BRCA1: variants seen among roughly 807,000 people sequenced by gnomAD.
The protein encoded by BRCA1 is breast cancer type 1 susceptibility protein.
In BRCA1, 140 loss-of-function variants were observed where a neutral mutation model predicts 173.7. That is an observed-to-expected ratio of 0.81 (90% CI 0.70 to 0.93). The LOEUF (loss-of-function observed/expected upper bound fraction) is 0.93. Among genes scored for constraint, BRCA1 ranks in the 40% least tolerant of loss-of-function variants. BRCA1 has a pLI of 0.00. For synonymous variants in BRCA1, 662 were observed against 756.0 expected, an observed-to-expected ratio of 0.88 and a Z score of 2.04; for missense variants, 1,983 against 2,172.5, an observed-to-expected ratio of 0.91 and a Z score of 1.73.
At chr17:43,115,101 G>A (rs2055201309) in intron 3 of BRCA1, among the ~76,000 whole-genome samples, 2 of 152,178 alleles carry the variant, frequency 1.3e-5, no homozygotes, top group African/African-American at 2.4e-5. Flanking sequence ...AGGAGAAACT[G>A]GGAAGGCTCA....
intron 1 of BRCA1, among the ~76,000 whole-genome samples, chr17:43,153,206 C>T (rs1234874556): frequency 6.6e-6 from 1 of 152,172 alleles, no homozygotes; most frequent in Non-Finnish European, 1.5e-5. Flanking sequence ...TGAGGTTTAA[C>T]ATGTTCCTCT....
Position 43,092,455 on chromosome 17 carries a change from T to C in BRCA1, c.3076A>G (p.Ile1026Val), listed in dbSNP as rs1468925322. Residue 1026 changes from isoleucine (I) to valine (V), a missense_variant, in exon 10 of 23, where the codon ATT (isoleucine) becomes GTT (valine). Coordinates refer to ENST00000357654, the MANE Select transcript of BRCA1 (RefSeq NM_007294.4). ...TTTTCTCTAATGTTATTACGGCTAA[T>C]TGTGCTCACTGTACTTGGAATGTTC... is the stretch of plus-strand genomic sequence containing the variant. ...NENIPSTVST[I>V]SRNNIRENVF... The C allele has an allele frequency of 6.2e-7, 1 of 1,614,026 alleles. No homozygotes were observed. The highest frequency in any genetic ancestry group is 8.5e-7 in the Non-Finnish European group (1 of 1,179,998).
chr17:43,073,680 G>T (rs554747061), intron 14 of BRCA1, among the ~76,000 whole-genome samples: 40 of 151,934 alleles, frequency 2.6e-4, no homozygotes, highest in African/African-American at 8.9e-4. Context: ...TCTAATAAAG[G>T]ACTGGCCTAA....
chr17:43,146,858 A>G (rs1464563989), intron 1 of BRCA1, among the ~76,000 whole-genome samples: 1 of 152,148 alleles, frequency 6.6e-6, no homozygotes, highest in Admixed American at 6.5e-5. Flanking sequence ...AAGAATAACA[A>G]TGCCAAGGTT....
At chr17:43,127,091 C>G (rs551476469), upstream of BRCA1, among the ~76,000 whole-genome samples, 1 of 152,202 alleles carries the variant, frequency 6.6e-6, no homozygotes, top group Non-Finnish European at 1.5e-5. Context: ...CCGCCATGCC[C>G]GAGCCCCCTC....
At chr17:43,168,131 A>T (rs1040513199) in intron 1 of BRCA1, 1 of 334,648 alleles carries the variant, frequency 3.0e-6, no homozygotes, top group Non-Finnish European at 6.0e-6. Flanking sequence ...AGATAATCAT[A>T]TAGGAATCCC....
chr17:43,157,994 T>TC (rs1273560893), intron 1 of BRCA1, among the ~76,000 whole-genome samples: 12 of 113,292 alleles, frequency 1.1e-4, no homozygotes, highest in Admixed American at 2.8e-4. Flanking sequence ...AAACTCTGTC[T>TC]CAAAAAAAAA....
chr17:43,097,027 A>T (rs1281192540), intron 8 of BRCA1, among the ~76,000 whole-genome samples: 2 of 152,210 alleles, frequency 1.3e-5, no homozygotes, highest in Non-Finnish European at 2.9e-5. Flanking sequence ...GAAAGAAAGC[A>T]AACAAAAAAC....
chr17:43,091,764 G>T lies in BRCA1; in HGVS notation c.3767C>A (p.Thr1256Lys). ...TVATECLSKN[T>K]EENLLSLKNS... ...CTTCAATGATAATAAATTCTCCTCT[G>T]TGTTCTTAGACAGACACTCGGTAGC... is the stretch of plus-strand genomic sequence containing the variant. The change falls in exon 10 of 23, where the codon ACA (threonine) becomes AAA (lysine). Residue 1256 changes from threonine (T) to lysine (K), a missense_variant. Transcript: ENST00000357654. The T allele has an allele frequency of 6.2e-7, 1 of 1,614,158 alleles. No homozygotes were observed. Among genetic ancestry groups the T allele is most frequent in the Non-Finnish European group, 8.5e-7 (1 of 1,180,014 alleles).
chr17:43,078,426 C>T (rs894107996), intron 12 of BRCA1, among the ~76,000 whole-genome samples: 1 of 152,210 alleles, frequency 6.6e-6, no homozygotes, highest in East Asian at 1.9e-4. Context: ...CCTGCCTTGG[C>T]ATCTCACAGT....
At chr17:43,112,094 C>CT (rs879578679) in intron 3 of BRCA1, among the ~76,000 whole-genome samples, 1,952 of 144,186 alleles carry the variant, frequency 0.014, 18 homozygotes, top group Non-Finnish European at 0.021. Context: ...TTATACTGGA[C>CT]TTTTTTTTTT....
At chr17:43,125,641 C>T (rs992949336), upstream of BRCA1, 5 of 241,330 alleles carry the variant, frequency 2.1e-5, no homozygotes, top group Admixed American at 2.1e-4. Flanking sequence ...CTCTACTCTT[C>T]CAGTTGCGGC....
intron 1 of BRCA1, chr17:43,169,768 G>A (rs575221655): frequency 4.9e-6 from 1 of 202,816 alleles, no homozygotes; most frequent in African/African-American, 2.4e-5. Context: ...TTAACCCAGA[G>A]CAGAGGGTGC....
chr17:43,140,200 T>C, intron 1 of BRCA1: 1 of 283,066 alleles, frequency 3.5e-6, no homozygotes, highest in South Asian at 3.3e-5. Flanking sequence ...AACACATCCA[T>C]GTGCCGGGAG....
At chr17:43,090,867 T>A in intron 11 of BRCA1, 77 bp downstream of exon 11, 1 of 1,337,754 alleles carries the variant, frequency 7.5e-7, no homozygotes, top group Non-Finnish European at 1.0e-6. Context: ...TCAGCAAACC[T>A]AAGAATGTGG....
In BRCA1 at chr17:43,135,434, A is replaced by G. The variant is rs557614060; in HGVS notation, c.-19-11319T>C. On this transcript the variant is annotated intron_variant, in intron 1 of 7. Coordinates refer to the BRCA1 transcript ENST00000634433. ...CATGCACCCGCTCCTTTATTAGGCT[A>G]TAGGGCCAGTGGCTGCGACAGGGAC... is the stretch of plus-strand genomic sequence containing the variant. Among the ~76,000 whole-genome samples, 8 of 152,362 alleles carry G rather than the reference A, an allele frequency of 5.3e-5. No individual in the cohort carries two copies. In the South Asian group the frequency reaches 1.0e-3, roughly 20 times the overall value.
intron 1 of BRCA1, among the ~76,000 whole-genome samples, chr17:43,135,970 G>T (rs758056349): frequency 2.0e-5 from 3 of 152,180 alleles, no homozygotes; most frequent in African/African-American, 4.8e-5. Context: ...CCTGCTCTCT[G>T]CAGTACCGCA....
At chr17:43,068,528 G>C (rs191039222) in intron 15 of BRCA1, among the ~76,000 whole-genome samples, 8 of 150,800 alleles carry the variant, frequency 5.3e-5, no homozygotes, top group African/African-American at 1.9e-4. Context: ...ACCAGCCTGG[G>C]CAATACAGTG....
In BRCA1 at chr17:43,104,258, G is replaced by C. The variant is rs80357190; in HGVS notation, c.305C>G (p.Ala102Gly). 4 of 1,609,246 alleles carry C rather than the reference G, an allele frequency of 2.5e-6. No homozygotes were observed. The highest frequency in any genetic ancestry group is 1.3e-5 in the African/African-American group (1 of 74,900). ...CTTTTTTGCAAAATTATAGCTGTTT[G>C]CATCTGTAAAATACAAGGGAAAACA... is the stretch of plus-strand genomic sequence containing the variant. ...AFQLDTGLEYANSYNFAKKEN... is the reference protein window; with the variant it reads ...AFQLDTGLEYGNSYNFAKKEN... The change falls in exon 6 of 23, where the codon GCA (alanine) becomes GGA (glycine). Residue 102 changes from alanine to glycine, a missense_variant. By Grantham distance (60) the Ala-to-Gly change is moderately conservative. Coordinates refer to ENST00000357654, the MANE Select transcript of BRCA1 (RefSeq NM_007294.4).
Sources: gnomAD v4.1 joint callset for allele counts (sites outside exome capture counted in the v4.1 genomes callset) on GRCh38, gnomAD v4.1.1 for gene constraint, MANE v1.5 for transcripts, NCBI Gene and HGNC (gene_info 2026-07-23, HGNC 2026-07-21) for gene names.